Variants in IGSF6 observed in about 807,000 individuals in gnomAD.
IGSF6 encodes down-regulated by activation (immunoglobulin superfamily).
A neutral mutation model predicts 24.7 loss-of-function variants in IGSF6; 23 were observed. That is an observed-to-expected ratio of 0.93 (90% CI 0.67 to 1.32). The LOEUF is 1.32. Among genes scored for constraint, IGSF6 ranks in the 40% most tolerant of loss-of-function variants. The pLI is 0.00. For missense variants in IGSF6, 295 were observed against 293.6 expected (o/e 1.00, Z -0.04); for synonymous variants, 110 against 113.7 (o/e 0.97, Z 0.21).
At chr16:21,643,750 C>A (rs1966341169) in intron 3 of IGSF6, 152 bp from the exon 4 acceptor site, 2 of 592,898 alleles carry the variant, frequency 3.4e-6, no homozygotes, top group Non-Finnish European at 5.9e-6. Context: ...GATGCTTTTA[C>A]TCCATTAAAA....
At position 21,640,811 on chromosome 16, in the gene IGSF6, G is replaced by A. The variant is rs1225706477; in HGVS notation, c.*723C>T. 1.3e-5 allele frequency: 2 copies of A among 150,936 alleles called. No homozygotes were observed. Among genetic ancestry groups the A allele is most frequent in the South Asian group, 2.1e-4 (1 of 4,774 alleles). 9.3% of individuals were successfully genotyped at this position (150,936 alleles called of 1,614,324 possible). The stretch of plus-strand genomic sequence containing the variant: ...AAGAAAAAAAATCAGTATTACAAAC[G>A]TGCTTGTAAAGTAGATGTGTTGCCC... On this transcript the variant is annotated 3_prime_UTR_variant, in exon 6 of 6. Coordinates refer to ENST00000268389, the MANE Select transcript of IGSF6 (RefSeq NM_005849.4).
Position 21,640,595 on chromosome 16 carries a change from A to G in IGSF6, c.*939T>C, listed in dbSNP as rs8050882. The G allele has an allele frequency of 8.1e-6, 1 of 122,974 alleles. No individual in the cohort carries two copies. The highest frequency in any genetic ancestry group is 2.3e-4 in the South Asian group (1 of 4,398). 7.6% of individuals were successfully genotyped at this position (122,974 alleles called of 1,614,324 possible). The stretch of plus-strand genomic sequence containing the variant: ...GTGAAACCCCGTCTCTACTAAAAAT[A>G]CAAAAAAAAAAAAAAAAAAAAATTA... On this transcript the variant is annotated 3_prime_UTR_variant, in exon 6 of 6. Coordinates refer to ENST00000268389, the MANE Select transcript of IGSF6 (RefSeq NM_005849.4).
At chr16:21,648,876 C>T (rs1203341230) in intron 1 of IGSF6, among the ~76,000 whole-genome samples, 1 of 152,122 alleles carries the variant, frequency 6.6e-6, no homozygotes, top group Non-Finnish European at 1.5e-5. Flanking sequence ...CAGACAGGGG[C>T]TTTTTTCTCT....
At position 21,647,634 on chromosome 16, in the gene IGSF6, C is replaced by T. The variant is rs1234031578; in HGVS notation, c.68-142G>A. On this transcript the variant is annotated intron_variant, in intron 1 of 5. Transcript: ENST00000268389. ...TATAAATAAGACTAAAAATAAACACCAGTGGTCCTCACTTGCCCCAACTCC... is the reference window on the plus strand; with the variant it reads ...TATAAATAAGACTAAAAATAAACACTAGTGGTCCTCACTTGCCCCAACTCC... 3.7e-6 allele frequency: 4 copies of T among 1,095,786 alleles called. No individual in the cohort carries two copies. The African/African-American group carries it at 4.8e-5, about 13-fold the overall frequency. The allele number at this position is 1,095,786 out of a possible 1,614,324, so 67.9% of individuals were successfully genotyped here.
At chr16:21,643,486 A>C in intron 4 of IGSF6, 62 bp downstream of exon 4, 1 of 1,058,974 alleles carries the variant, frequency 9.4e-7, no homozygotes, top group East Asian at 2.4e-5. Context: ...AAAATATTTC[A>C]GTTTTGAAAT....
chr16:21,644,543 G>C lies in IGSF6; in HGVS notation c.428-147C>G. The C allele has an allele frequency of 5.1e-6, 3 of 588,414 alleles. 1 individual carries two copies. The highest frequency in any genetic ancestry group is 9.0e-6 in the Non-Finnish European group (3 of 332,870). 36.4% of individuals were successfully genotyped at this position (588,414 alleles called of 1,614,324 possible). A position where few individuals can be genotyped will look rare whatever the true frequency, so the allele number is the denominator to read the frequency against. Reference sequence around the variant, plus strand: ...TTCGTATAAAAACTAGACCTCAAAAGGTACTCAAGTATGTAATAGTTAAAG... The same window carrying C: ...TTCGTATAAAAACTAGACCTCAAAACGTACTCAAGTATGTAATAGTTAAAG... On this transcript the variant is annotated intron_variant, in intron 2 of 5. Transcript: ENST00000268389.
chr16:21,648,190 G>T (rs1261461605), intron 1 of IGSF6, among the ~76,000 whole-genome samples: 1 of 152,172 alleles, frequency 6.6e-6, no homozygotes, highest in East Asian at 1.9e-4. Context: ...CCTGGCGTGT[G>T]TGCTGCTTTG....
In IGSF6 at chr16:21,643,152, C is replaced by G. The variant is rs551101179; in HGVS notation, c.588G>C (p.Lys196Asn). Residue 196 changes from lysine to asparagine, a missense_variant and splice_region_variant, in exon 5 of 6, where the codon AAG becomes AAC. By Grantham distance (94) the Lys-to-Asn change is moderately conservative. Transcript: ENST00000268389. Reference protein sequence around the residue: ...NKEIKEDSQKKKSARRIFQEI... With the variant: ...NKEIKEDSQKNKSARRIFQEI... ...CCTGAAAAATACGCCGAGCACTCTT[C>G]TTCTATAAAGACAAATGAGAAAAAA... is the stretch of plus-strand genomic sequence containing the variant. 7.5e-6 allele frequency: 12 copies of G among 1,601,910 alleles called. No individual in the cohort carries two copies. The Admixed American group carries it at 1.3e-4, about 18-fold the overall frequency.
At position 21,641,500 on chromosome 16, in the gene IGSF6, AT is replaced by A. The variant is rs1248192426; in HGVS notation, c.*33del. On this transcript the variant is annotated 3_prime_UTR_variant, in exon 6 of 6. Transcript: ENST00000268389. ...ACACTGCCATAGCTCCTGGAGTTGGATTTTCAGTGACTTCATTGAAAATTAA... is the reference window on the plus strand; with the variant it reads ...ACACTGCCATAGCTCCTGGAGTTGGATTTCAGTGACTTCATTGAAAATTAA... 2 of 1,390,756 alleles carry A rather than the reference AT, an allele frequency of 1.4e-6. No individual in the cohort carries two copies. Among genetic ancestry groups the A allele is most frequent in the Non-Finnish European group, 2.0e-6 (2 of 988,008 alleles). 86.2% of individuals were successfully genotyped at this position (1,390,756 alleles called of 1,614,324 possible).
rs1210371478 is a variant in IGSF6 at position 21,647,435 on chromosome 16, T to C, written c.125A>G (p.Tyr42Cys). 1 of 1,614,062 alleles carries C rather than the reference T, an allele frequency of 6.2e-7. No individual in the cohort carries two copies. The highest frequency in any genetic ancestry group is 1.1e-5 in the South Asian group (1 of 91,078). The change falls in exon 2 of 6, where the codon TAC becomes TGC. Residue 42 changes from tyrosine to cysteine, a missense_variant. Tyr to Cys is a radical substitution (Grantham distance 194). Coordinates refer to ENST00000268389, the MANE Select transcript of IGSF6 (RefSeq NM_005849.4). ...CTTTATGGTGACGGCCTCATGAGTG[T>C]AGTCCACTTCTAGGTACCACGGTTG... ...VTQPWYLEVD[Y>C]THEAVTIKCT...
chr16:21,643,506 C>T, intron 4 of IGSF6, 42 bp downstream of exon 4: 1 of 1,277,786 alleles, frequency 7.8e-7, no homozygotes, highest in Non-Finnish European at 1.1e-6. Flanking sequence ...TCGTTACAAC[C>T]AGCCACAATT....
Position 21,639,711 on chromosome 16 carries a change from A to C in IGSF6, c.*1823T>G, listed in dbSNP as rs1475703312. ...CCCACACATATACACATGTGCACTC[A>C]CGTGTACACACAGATACACACAAAA... On this transcript the variant is annotated 3_prime_UTR_variant, in exon 6 of 6. Transcript: ENST00000268389. The C allele has an allele frequency of 6.6e-6, 1 of 152,212 alleles. No homozygotes were observed. Among genetic ancestry groups the C allele is most frequent in the Non-Finnish European group, 1.5e-5 (1 of 68,038 alleles). 9.4% of individuals were successfully genotyped at this position (152,212 alleles called of 1,614,324 possible).
In IGSF6 at chr16:21,645,329, T is replaced by C. The variant is rs565117013; in HGVS notation, c.428-933A>G. Among the ~76,000 whole-genome samples the C allele has an allele frequency of 2.0e-5, 3 of 152,294 alleles. No individual in the cohort carries two copies. The South Asian group carries it at 6.2e-4, about 32-fold the overall frequency. On this transcript the variant is annotated intron_variant, in intron 2 of 5. Coordinates refer to ENST00000268389, the MANE Select transcript of IGSF6 (RefSeq NM_005849.4). ...TTAGCTGGGCGTGGTCGCACATGCC[T>C]GTAATCCCAGCTACTCAGGAGGTTG...
intron 1 of IGSF6, among the ~76,000 whole-genome samples, chr16:21,647,874 C>T (rs182661633): frequency 3.4e-4 from 51 of 152,226 alleles, no homozygotes; most frequent in Non-Finnish European, 6.6e-4. Flanking sequence ...CTTTCTTGTC[C>T]GCACCCTGGC....
chr16:21,646,634 G>A, intron 2 of IGSF6: 1 of 209,950 alleles, frequency 4.8e-6, no homozygotes, highest in Non-Finnish European at 9.8e-6. Context: ...TGTGTTAGTG[G>A]ATGTTCGAGA....
At position 21,641,081 on chromosome 16, in the gene IGSF6, C is replaced by T. The variant is rs1966251737; in HGVS notation, c.*453G>A. 6.5e-6 allele frequency: 1 copy of T among 152,852 alleles called. No homozygotes were observed. Among genetic ancestry groups the T allele is most frequent in the African/African-American group, 2.4e-5 (1 of 41,432 alleles). The allele number at this position is 152,852 out of a possible 1,614,324, so 9.5% of individuals were successfully genotyped here. The stretch of plus-strand genomic sequence containing the variant: ...CCCATTACAACATCAGAGGAAATAA[C>T]TTTACTAAGGTGCTTTTCAAAATGA... On this transcript the variant is annotated 3_prime_UTR_variant, in exon 6 of 6. Transcript: ENST00000268389.
chr16:21,649,901 GT>G (rs1402170169), intron 1 of IGSF6, among the ~76,000 whole-genome samples: 1 of 152,048 alleles, frequency 6.6e-6, no homozygotes. Flanking sequence ...TAGAGACAGG[GT>G]TTTGCGATGT....
At chr16:21,646,218 T>C (rs189480022) in intron 2 of IGSF6, among the ~76,000 whole-genome samples, 1 of 152,258 alleles carries the variant, frequency 6.6e-6, no homozygotes, top group East Asian at 1.9e-4. Flanking sequence ...TTGGTGAAAT[T>C]ACTGATAGGA....
intron 2 of IGSF6, among the ~76,000 whole-genome samples, chr16:21,645,411 C>A (rs1315197892): frequency 6.6e-6 from 1 of 152,086 alleles, no homozygotes; most frequent in East Asian, 1.9e-4. Context: ...GAGCTGAGAT[C>A]ACGCCACGGC....
Sources: allele counts gnomAD v4.1 joint callset (sites outside exome capture counted in the v4.1 genomes callset), GRCh38; gene constraint gnomAD v4.1.1; transcripts MANE v1.5; gene names NCBI Gene and HGNC (gene_info 2026-07-23, HGNC 2026-07-21).